CFAP92: variants seen among roughly 807,000 people sequenced by gnomAD.
CFAP92 encodes uncharacterized protein CFAP92.
A neutral mutation model predicts 106.3 loss-of-function variants in CFAP92; 86 were observed. The observed-to-expected ratio is 0.81, with a 90% CI of 0.68 to 0.97. CFAP92 has a LOEUF of 0.97. Among genes scored for constraint, CFAP92 ranks in the 50% least tolerant of loss-of-function variants. The pLI, the probability that CFAP92 is intolerant of heterozygous loss-of-function variation, is 0.00. For synonymous variants in CFAP92, 477 were observed against 506.4 expected, an observed-to-expected ratio of 0.94 and a Z score of 0.78; for missense variants, 1,204 against 1,283.8, an observed-to-expected ratio of 0.94 and a Z score of 0.95.
chr3:128,980,597 C>T (rs201179829), intron 4 of CFAP92, among the ~76,000 whole-genome samples: 5 of 152,138 alleles, frequency 3.3e-5, no homozygotes, highest in African/African-American at 7.2e-5. Context: ...CACAGTAGAA[C>T]GGCTTTCAAA....
chr3:128,976,560 C>T (rs978852673), intron 6 of CFAP92, among the ~76,000 whole-genome samples: 1 of 152,228 alleles, frequency 6.6e-6, no homozygotes, highest in Admixed American at 6.5e-5. Context: ...GAGTCTCCTT[C>T]TCCAGACCCT....
chr3:129,017,469 C>A, the CFAP92 span, among the ~76,000 whole-genome samples: 1 of 152,248 alleles, frequency 6.6e-6, no homozygotes, highest in Non-Finnish European at 1.5e-5. Context: ...GAAAGCAAGG[C>A]ACCCTTGGCC....
intron 12 of CFAP92, among the ~76,000 whole-genome samples, chr3:128,919,011 G>A (rs751977256): frequency 4.1e-4 from 60 of 145,190 alleles, no homozygotes; most frequent in Admixed American, 1.4e-3. Context: ...GGAATGGCGC[G>A]ATCTTGGCTT....
intron 9 of CFAP92, among the ~76,000 whole-genome samples, chr3:128,949,378 A>T (rs1010097850): frequency 6.6e-6 from 1 of 152,238 alleles, no homozygotes; most frequent in African/African-American, 2.4e-5. Flanking sequence ...TCAGCAATGA[A>T]AAGGAAAGAA....
intron 12 of CFAP92, among the ~76,000 whole-genome samples, chr3:128,932,378 TACACACAC>T (rs112536236): frequency 1.4e-5 from 2 of 147,482 alleles, no homozygotes; most frequent in Non-Finnish European, 3.0e-5. Flanking sequence ...AGCAACATGT[TACACACAC>T]ACACACACAC....
intron 10 of CFAP92, among the ~76,000 whole-genome samples, chr3:128,937,516 C>T (rs1006627685): frequency 6.6e-6 from 1 of 151,554 alleles, no homozygotes; most frequent in Admixed American, 6.6e-5. Flanking sequence ...AGGAGAATGG[C>T]GTGAACTCAG....
intron 12 of CFAP92, among the ~76,000 whole-genome samples, chr3:128,916,850 G>C (rs1936854133): frequency 6.6e-6 from 1 of 152,184 alleles, no homozygotes; most frequent in African/African-American, 2.4e-5. Flanking sequence ...CCAAAACAAG[G>C]GAGAACTGGG....
intron 12 of CFAP92, among the ~76,000 whole-genome samples, chr3:128,923,922 T>C (rs1161751681): frequency 6.6e-6 from 1 of 152,188 alleles, no homozygotes; most frequent in Admixed American, 6.5e-5. Flanking sequence ...AGACAGCCAA[T>C]GGGTTGTCCA....
chr3:128,937,232 T>C (rs1576442260), intron 10 of CFAP92, among the ~76,000 whole-genome samples: 2 of 146,256 alleles, frequency 1.4e-5, no homozygotes, highest in East Asian at 4.0e-4. Flanking sequence ...CCCCTGGAGG[T>C]AGAGGTTGCA....
chr3:128,939,574 A>G (rs947866172), intron 10 of CFAP92, among the ~76,000 whole-genome samples: 1 of 152,032 alleles, frequency 6.6e-6, no homozygotes, highest in African/African-American at 2.4e-5. Flanking sequence ...CATCACCTCA[A>G]AAAGAAACCC....
At chr3:128,936,159 G>C (rs1939000910) in intron 10 of CFAP92, among the ~76,000 whole-genome samples, 2 of 151,920 alleles carry the variant, frequency 1.3e-5, no homozygotes, top group Non-Finnish European at 2.9e-5. Context: ...TGCACAGCCT[G>C]CTGTCATTGC....
At chr3:128,912,941 G>A (rs1217307487) in intron 15 of CFAP92, 3 of 512,534 alleles carry the variant, frequency 5.9e-6, no homozygotes, top group African/African-American at 1.9e-5. Context: ...TGTGAGGTGG[G>A]TGGGGACCTG....
intron 12 of CFAP92, among the ~76,000 whole-genome samples, chr3:128,928,944 A>T (rs1001652549): frequency 6.6e-6 from 1 of 152,182 alleles, no homozygotes; most frequent in Non-Finnish European, 1.5e-5. Flanking sequence ...TAAAAAGACA[A>T]CTTGATTTTA....
rs1436924886 is a variant in CFAP92 at position 128,932,960 on chromosome 3, C to A, written c.2491G>T (p.Asp831Tyr). The A allele has an allele frequency of 3.3e-6, 5 of 1,536,146 alleles. No individual in the cohort carries two copies. In the Admixed American group the frequency reaches 7.8e-5, roughly 24 times the overall value. The change falls in exon 12 of 16, where the codon GAC (aspartate) becomes TAC (tyrosine). Residue 831 changes from aspartate (D) to tyrosine (Y), a missense_variant. Asp to Tyr is a radical substitution (Grantham distance 160, BLOSUM62 -3). Transcript: ENST00000645291. ...DICYNSTTLW[D>Y]VTVRDLLPSS... ...GGCAGCAGGTCCCTCACCGTCACGTCCCAGAGGGTGGTGCTGTTATAGCAG... is the reference window on the plus strand; with the variant it reads ...GGCAGCAGGTCCCTCACCGTCACGTACCAGAGGGTGGTGCTGTTATAGCAG...
At chr3:128,924,328 G>A (rs1275633198) in intron 12 of CFAP92, among the ~76,000 whole-genome samples, 1 of 151,582 alleles carries the variant, frequency 6.6e-6, no homozygotes, top group Non-Finnish European at 1.5e-5. Flanking sequence ...TGGCTTGGAT[G>A]GAATCCAGGG....
intron 11 of CFAP92, among the ~76,000 whole-genome samples, chr3:128,934,785 C>T (rs1346630119): frequency 6.6e-6 from 1 of 152,200 alleles, no homozygotes; most frequent in Non-Finnish European, 1.5e-5. Flanking sequence ...CCCACCTCAG[C>T]CTCCCAAAGT....
intron 15 of CFAP92, chr3:128,912,732 C>G (rs771161833): frequency 1.1e-6 from 1 of 935,980 alleles, no homozygotes; most frequent in African/African-American, 1.6e-5. Flanking sequence ...CCCGTCTGCA[C>G]CTGAAGGGTT....
Position 128,915,109 on chromosome 3 carries a change from T to C in CFAP92, c.3280+10A>G, listed in dbSNP as rs1936696713. ...CAGGAGGCCCAGCTTGGCAAACCCT[T>C]GCCTGTTACCTGTTACAGGCTTTGG... is the stretch of plus-strand genomic sequence containing the variant. On this transcript the variant is annotated intron_variant, in intron 15 of 15. Coordinates refer to ENST00000645291, the MANE Select transcript of CFAP92 (RefSeq NM_001394090.1). The C allele has an allele frequency of 1.3e-6, 2 of 1,534,982 alleles. No individual in the cohort carries two copies. The highest frequency in any genetic ancestry group is 2.4e-5 in the South Asian group (2 of 84,026).
At chr3:128,999,281 AC>A (rs1274490279) in intron 1 of CFAP92, among the ~76,000 whole-genome samples, 2 of 152,200 alleles carry the variant, frequency 1.3e-5, no homozygotes, top group Non-Finnish European at 2.9e-5. Context: ...GCCTGGTAAC[AC>A]CGCAGGGCAG....
Sources: gnomAD v4.1 joint callset for allele counts (sites outside exome capture counted in the v4.1 genomes callset) on GRCh38, gnomAD v4.1.1 for gene constraint, MANE v1.5 for transcripts, NCBI Gene and HGNC (gene_info 2026-07-23, HGNC 2026-07-21) for gene names.